Variants in DNAJC5B observed in about 807,000 individuals in gnomAD.
DNAJC5B encodes DnaJ heat shock protein family (Hsp40) member C5 beta, also known as dnaJ homolog subfamily C member 5B.
A neutral mutation model predicts 24.7 loss-of-function variants in DNAJC5B; 23 were observed. The observed-to-expected ratio is 0.93, with a 90% CI of 0.67 to 1.32. The LOEUF (loss-of-function observed/expected upper bound fraction) is 1.32, where lower values mean the gene tolerates loss of function less well. Among genes scored for constraint, DNAJC5B ranks in the 40% most tolerant of loss-of-function variants. The pLI is 0.00. For synonymous variants in DNAJC5B, 101 were observed against 90.1 expected (o/e 1.12, Z -0.68); for missense variants, 238 against 240.8 (o/e 0.99, Z 0.08).
intron 3 of DNAJC5B, among the ~76,000 whole-genome samples, chr8:66,061,185 G>A (rs1807072430): frequency 2.0e-5 from 3 of 152,156 alleles, no homozygotes; most frequent in Non-Finnish European, 1.5e-5. Flanking sequence ...GGAGGCTAAG[G>A]TGGGAGGGTC....
chr8:66,034,635 A>T (rs1005523584), intron 1 of DNAJC5B, among the ~76,000 whole-genome samples: 3 of 151,698 alleles, frequency 2.0e-5, no homozygotes, highest in Admixed American at 1.3e-4. Context: ...GGCATCCAAG[A>T]TCTGACAAGG....
chr8:66,083,827 A>G (rs974977101), intron 5 of DNAJC5B, among the ~76,000 whole-genome samples: 1 of 152,200 alleles, frequency 6.6e-6, no homozygotes, highest in Non-Finnish European at 1.5e-5. Flanking sequence ...TCAAATCCCC[A>G]AAATGTCTAC....
chr8:66,032,914 C>T (rs149465054), intron 1 of DNAJC5B, among the ~76,000 whole-genome samples: 70 of 152,338 alleles, frequency 4.6e-4, no homozygotes, highest in African/African-American at 1.6e-3. Context: ...CCCTGCAGCA[C>T]TCTCTGTTTG....
intron 1 of DNAJC5B, among the ~76,000 whole-genome samples, chr8:66,038,698 C>T (rs772357908): frequency 6.6e-5 from 10 of 152,090 alleles, no homozygotes; most frequent in Non-Finnish European, 1.5e-4. Context: ...TTTAAGCTAA[C>T]GTTAGAGACA....
chr8:66,035,342 G>A (rs761794221), intron 1 of DNAJC5B, among the ~76,000 whole-genome samples: 5 of 152,318 alleles, frequency 3.3e-5, no homozygotes, highest in South Asian at 2.1e-4. Context: ...TCTGGTGCCC[G>A]TGGATGTGGC....
At chr8:66,020,592 CTCTGTGTG>C (rs908809766), upstream of DNAJC5B, among the ~76,000 whole-genome samples, 24 of 136,200 alleles carry the variant, frequency 1.8e-4, no homozygotes, top group South Asian at 9.8e-4. Context: ...GTAATCAATA[CTCTGTGTG>C]TGTGTGTGTG....
upstream of DNAJC5B, among the ~76,000 whole-genome samples, chr8:66,017,583 G>A (rs1010396119): frequency 6.6e-6 from 1 of 152,186 alleles, no homozygotes. Flanking sequence ...CTTTTAAGAG[G>A]GAGTCCAGCT....
At chr8:66,063,025 CA>C (rs1347865617) in intron 3 of DNAJC5B, among the ~76,000 whole-genome samples, 1 of 152,112 alleles carries the variant, frequency 6.6e-6, no homozygotes, top group Non-Finnish European at 1.5e-5. Flanking sequence ...AACAAACAAA[CA>C]AAAAATCAAA....
At chr8:66,034,626 G>A (rs779964787) in intron 1 of DNAJC5B, among the ~76,000 whole-genome samples, 8 of 151,712 alleles carry the variant, frequency 5.3e-5, no homozygotes, top group African/African-American at 9.7e-5. Context: ...GAGGTGGAGG[G>A]CATCCAAGAT....
intron 3 of DNAJC5B, among the ~76,000 whole-genome samples, chr8:66,060,596 T>C (rs893964472): frequency 6.6e-6 from 1 of 152,256 alleles, no homozygotes; most frequent in East Asian, 1.9e-4. Context: ...TTTTACTGTT[T>C]GTTGCTCAGC....
At chr8:66,098,132 G>A (rs1057223433) in intron 5 of DNAJC5B, among the ~76,000 whole-genome samples, 1 of 152,150 alleles carries the variant, frequency 6.6e-6, no homozygotes, top group Non-Finnish European at 1.5e-5. Context: ...GGGATTACAG[G>A]CGTGAGCCAC....
intron 5 of DNAJC5B, among the ~76,000 whole-genome samples, chr8:66,083,051 G>T (rs1807636565): frequency 9.2e-6 from 1 of 108,306 alleles, no homozygotes; most frequent in Non-Finnish European, 1.7e-5. Flanking sequence ...TCTCTCTGTT[G>T]CCCAGGCTGG....
At chr8:66,070,553 G>C (rs542190862) in intron 3 of DNAJC5B, among the ~76,000 whole-genome samples, 2 of 152,106 alleles carry the variant, frequency 1.3e-5, no homozygotes, top group East Asian at 1.9e-4. Context: ...GGAAATAAGA[G>C]AGGACACAAA....
At chr8:66,087,349 A>G (rs1807749050) in intron 5 of DNAJC5B, among the ~76,000 whole-genome samples, 1 of 152,110 alleles carries the variant, frequency 6.6e-6, no homozygotes, top group Non-Finnish European at 1.5e-5. Flanking sequence ...CCGTCCCTCA[A>G]CTCATGGAGA....
intron 3 of DNAJC5B, among the ~76,000 whole-genome samples, chr8:66,053,105 A>T (rs984812967): frequency 1.3e-5 from 2 of 151,980 alleles, no homozygotes; most frequent in Admixed American, 6.5e-5. Flanking sequence ...CTAATTTTTT[A>T]AAATTACTTT....
At chr8:66,026,617 C>T (rs1433372092) in intron 1 of DNAJC5B, among the ~76,000 whole-genome samples, 1 of 152,246 alleles carries the variant, frequency 6.6e-6, no homozygotes, top group African/African-American at 2.4e-5. Flanking sequence ...CAGCCCAGCC[C>T]CCATGCCCAC....
At chr8:66,031,276 C>T (rs1352960200) in intron 1 of DNAJC5B, among the ~76,000 whole-genome samples, 1 of 152,150 alleles carries the variant, frequency 6.6e-6, no homozygotes, top group East Asian at 1.9e-4. Flanking sequence ...ATTATAAATG[C>T]TCATTTTAGA....
intron 3 of DNAJC5B, among the ~76,000 whole-genome samples, chr8:66,067,079 T>A (rs1031534283): frequency 5.3e-5 from 8 of 152,072 alleles, no homozygotes; most frequent in African/African-American, 1.7e-4. Context: ...AACGAAGACA[T>A]AAGTGATCAT....
chr8:66,028,846 G>A (rs1279085419), intron 1 of DNAJC5B, among the ~76,000 whole-genome samples: 2 of 152,134 alleles, frequency 1.3e-5, no homozygotes, highest in African/African-American at 4.8e-5. Flanking sequence ...GCACTCCCCA[G>A]TTTCAAGTTT....
Sources: gnomAD v4.1 joint callset for allele counts (sites outside exome capture counted in the v4.1 genomes callset) on GRCh38, gnomAD v4.1.1 for gene constraint, MANE v1.5 for transcripts, NCBI Gene and HGNC (gene_info 2026-07-23, HGNC 2026-07-21) for gene names.